Variants in FARS2 observed in about 807,000 individuals in gnomAD.
FARS2 encodes phenylalanine--tRNA ligase, mitochondrial.
A neutral mutation model predicts 46.4 loss-of-function variants in FARS2; 40 were observed. The observed-to-expected ratio is 0.86, with a 90% CI of 0.67 to 1.12. FARS2 has a LOEUF of 1.12. Ranked by LOEUF, FARS2 falls within the 50% of genes most tolerant of loss-of-function variation. The pLI is 0.00. For missense variants in FARS2, 513 were observed against 567.9 expected, an observed-to-expected ratio of 0.90 and a Z score of 0.98; for synonymous variants, 234 against 214.9, an observed-to-expected ratio of 1.09 and a Z score of -0.78.
At chr6:5,391,379 G>A (rs1332917981) in intron 2 of FARS2, among the ~76,000 whole-genome samples, 2 of 152,202 alleles carry the variant, frequency 1.3e-5, no homozygotes, top group Non-Finnish European at 2.9e-5. Flanking sequence ...CATATAGTAT[G>A]TAAGATAAGC....
intron 1 of FARS2, among the ~76,000 whole-genome samples, chr6:5,296,107 A>C (rs1223759321): frequency 3.3e-5 from 5 of 150,622 alleles, no homozygotes; most frequent in African/African-American, 1.2e-4. Flanking sequence ...AAATGTACAA[A>C]CATAAAAATT....
chr6:5,625,821 G>T (rs946927946), intron 6 of FARS2, among the ~76,000 whole-genome samples: 2 of 152,168 alleles, frequency 1.3e-5, no homozygotes, highest in Non-Finnish European at 2.9e-5. Flanking sequence ...ATGGTGAGCC[G>T]CTGGCCAGGC....
At chr6:5,480,100 A>G in intron 4 of FARS2, among the ~76,000 whole-genome samples, 1 of 152,262 alleles carries the variant, frequency 6.6e-6, no homozygotes, top group East Asian at 1.9e-4. Context: ...GATTTTTATC[A>G]ACGACTTTGA....
At chr6:5,316,441 A>C (rs1424471223) in intron 1 of FARS2, among the ~76,000 whole-genome samples, 1 of 152,196 alleles carries the variant, frequency 6.6e-6, no homozygotes, top group Non-Finnish European at 1.5e-5. Flanking sequence ...AGTAAGGGAA[A>C]AGGCTGAGCA....
chr6:5,329,339 T>G (rs1278735189), intron 1 of FARS2, among the ~76,000 whole-genome samples: 1 of 152,268 alleles, frequency 6.6e-6, no homozygotes, highest in Middle Eastern at 3.2e-3. Context: ...GATTGAGATC[T>G]GGAATGAATT....
chr6:5,664,238 G>A (rs1777994300), intron 6 of FARS2, among the ~76,000 whole-genome samples: 1 of 152,210 alleles, frequency 6.6e-6, no homozygotes, highest in African/African-American at 2.4e-5. Flanking sequence ...GAACTCCCCT[G>A]TGCTGGAGAG....
intron 5 of FARS2, among the ~76,000 whole-genome samples, chr6:5,581,017 G>A (rs1312056701): frequency 6.6e-6 from 1 of 152,246 alleles, no homozygotes; most frequent in African/African-American, 2.4e-5. Context: ...GGAATTCACA[G>A]CAGCATGACA....
intron 6 of FARS2, among the ~76,000 whole-genome samples, chr6:5,748,589 T>G (rs749818298): frequency 2.2e-4 from 33 of 152,256 alleles, no homozygotes; most frequent in Non-Finnish European, 7.3e-5. Context: ...AATTGCTAAG[T>G]GTATTACATC....
intron 1 of FARS2, among the ~76,000 whole-genome samples, chr6:5,285,834 G>A (rs1208366056): frequency 6.6e-6 from 1 of 152,198 alleles, no homozygotes; most frequent in Non-Finnish European, 1.5e-5. Context: ...GCATTCCCTG[G>A]AATTCCTCAG....
At chr6:5,454,125 T>G (rs1764676411) in intron 4 of FARS2, among the ~76,000 whole-genome samples, 1 of 152,144 alleles carries the variant, frequency 6.6e-6, no homozygotes, top group Non-Finnish European at 1.5e-5. Flanking sequence ...GTCCCTGGTT[T>G]GTTTGTTTTT....
intron 6 of FARS2, among the ~76,000 whole-genome samples, chr6:5,668,829 G>T (rs59983903): frequency 6.6e-6 from 1 of 151,470 alleles, no homozygotes; most frequent in South Asian, 2.1e-4. Context: ...GAGGAGCTGA[G>T]ATTACAGGCA....
At chr6:5,688,412 T>C (rs78553016) in intron 6 of FARS2, among the ~76,000 whole-genome samples, 1 of 152,066 alleles carries the variant, frequency 6.6e-6, no homozygotes, top group East Asian at 1.9e-4. Flanking sequence ...TAGCATGAAG[T>C]GTTGTTGAAT....
intron 6 of FARS2, among the ~76,000 whole-genome samples, chr6:5,643,135 TA>T (rs2150743482): frequency 6.6e-6 from 1 of 152,330 alleles, no homozygotes; most frequent in African/African-American, 2.4e-5. Context: ...AGCTTCATTC[TA>T]AAAAAATTCC....
intron 1 of FARS2, among the ~76,000 whole-genome samples, chr6:5,283,706 G>A (rs370041555): frequency 6.6e-6 from 1 of 152,106 alleles, no homozygotes; most frequent in East Asian, 1.9e-4. Flanking sequence ...TCTAAAAGGT[G>A]TCAGGTACCA....
At chr6:5,403,929 G>C (rs1039345450) in intron 2 of FARS2, among the ~76,000 whole-genome samples, 4 of 152,170 alleles carry the variant, frequency 2.6e-5, no homozygotes, top group Admixed American at 6.5e-5. Flanking sequence ...CCATTGGAAT[G>C]TGCCAGATAC....
chr6:5,454,534 T>C (rs1305839021), intron 4 of FARS2, among the ~76,000 whole-genome samples: 3 of 152,026 alleles, frequency 2.0e-5, no homozygotes, highest in Non-Finnish European at 4.4e-5. Context: ...TTAGTAGATA[T>C]GGGGTTTCAC....
At chr6:5,313,436 C>T (rs1033546178) in intron 1 of FARS2, among the ~76,000 whole-genome samples, 2 of 152,200 alleles carry the variant, frequency 1.3e-5, no homozygotes, top group African/African-American at 4.8e-5. Flanking sequence ...TTAGCTGATT[C>T]CCGGCTGTAT....
intron 4 of FARS2, among the ~76,000 whole-genome samples, chr6:5,510,568 G>A (rs991845351): frequency 6.6e-6 from 1 of 152,238 alleles, no homozygotes; most frequent in Non-Finnish European, 1.5e-5. Context: ...TTTTGAGCGC[G>A]GGAGAGGGTT....
intron 6 of FARS2, among the ~76,000 whole-genome samples, chr6:5,733,957 A>G (rs993671181): frequency 6.6e-6 from 1 of 152,182 alleles, no homozygotes; most frequent in African/African-American, 2.4e-5. Context: ...TGGATATATG[A>G]ATGTCTAGTG....
Sources: gnomAD v4.1 joint callset for allele counts (sites outside exome capture counted in the v4.1 genomes callset) on GRCh38, gnomAD v4.1.1 for gene constraint, MANE v1.5 for transcripts, NCBI Gene and HGNC (gene_info 2026-07-23, HGNC 2026-07-21) for gene names.